GALNTL6: variants seen among roughly 807,000 people sequenced by gnomAD.
The protein encoded by GALNTL6 is polypeptide N-acetylgalactosaminyltransferase like 6, also known as polypeptide N-acetylgalactosaminyltransferase-like 6.
In GALNTL6, 46 loss-of-function variants were observed where a neutral mutation model predicts 73.7. That is an observed-to-expected ratio of 0.62 (90% CI 0.49 to 0.80). The LOEUF (loss-of-function observed/expected upper bound fraction) is 0.80. Ranked by LOEUF, GALNTL6 falls within the 30% of genes least tolerant of loss-of-function variation. The pLI is 0.00. For missense variants in GALNTL6, 604 were observed against 755.0 expected (o/e 0.80, Z 2.34); for synonymous variants, 259 against 263.7 (o/e 0.98, Z 0.17).
intron 2 of GALNTL6, among the ~76,000 whole-genome samples, chr4:171,826,788 A>G (rs1734837358): frequency 1.3e-5 from 2 of 152,058 alleles, no homozygotes; most frequent in African/African-American, 4.8e-5. Flanking sequence ...TTTGGAAGAC[A>G]GAAAAGAGAG....
chr4:172,218,670 A>T (rs1394099030), intron 2 of GALNTL6, among the ~76,000 whole-genome samples: 1 of 152,032 alleles, frequency 6.6e-6, no homozygotes, highest in African/African-American at 2.4e-5. Flanking sequence ...GTTTAGCTTT[A>T]TTCTTGTAAG....
At chr4:172,184,609 C>G (rs1735359903) in intron 2 of GALNTL6, among the ~76,000 whole-genome samples, 1 of 152,164 alleles carries the variant, frequency 6.6e-6, no homozygotes, top group African/African-American at 2.4e-5. Context: ...TTATACAAGA[C>G]ATGACTTTCC....
At chr4:172,861,087 T>C (rs2111135789) in intron 7 of GALNTL6, among the ~76,000 whole-genome samples, 1 of 152,312 alleles carries the variant, frequency 6.6e-6, no homozygotes, top group South Asian at 2.1e-4. Context: ...TTCTTTTGTC[T>C]TGTAAAAATG....
At chr4:171,861,909 C>T (rs1467467773) in intron 2 of GALNTL6, among the ~76,000 whole-genome samples, 1 of 152,124 alleles carries the variant, frequency 6.6e-6, no homozygotes, top group African/African-American at 2.4e-5. Context: ...GTAGTGACCA[C>T]TGGCCACTAA....
chr4:172,558,390 C>A (rs1254642145), intron 5 of GALNTL6, among the ~76,000 whole-genome samples: 3 of 151,996 alleles, frequency 2.0e-5, no homozygotes, highest in Non-Finnish European at 4.4e-5. Flanking sequence ...GGAGACAGGG[C>A]CTTTAAAATA....
chr4:172,577,547 T>C (rs1010061539), intron 5 of GALNTL6, among the ~76,000 whole-genome samples: 2 of 152,204 alleles, frequency 1.3e-5, no homozygotes, highest in African/African-American at 4.8e-5. Flanking sequence ...TGCCTTCCTC[T>C]CATTTTCCAC....
chr4:172,121,650 G>A (rs892078415), intron 2 of GALNTL6, among the ~76,000 whole-genome samples: 1 of 152,060 alleles, frequency 6.6e-6, no homozygotes, highest in African/African-American at 2.4e-5. Flanking sequence ...CTACATTTGA[G>A]CAATTTCAAA....
At chr4:171,867,757 G>C (rs771157430) in intron 2 of GALNTL6, among the ~76,000 whole-genome samples, 1 of 151,954 alleles carries the variant, frequency 6.6e-6, no homozygotes, top group Admixed American at 6.5e-5. Context: ...AGACAGTGTT[G>C]GCATTAAAAT....
In GALNTL6 at chr4:172,348,530, C is replaced by T. The variant is rs143545755; in HGVS notation, c.394C>T (p.His132Tyr). The stretch of plus-strand genomic sequence containing the variant: ...CTTTTCCCTCATCTCCAGCTGTAAG[C>T]ATAAGATGTATCTGGAAAGGCTGCC... ...LPDIRHANCK[H>Y]KMYLERLPNT... Residue 132 changes from histidine (H) to tyrosine (Y), a missense_variant, in exon 5 of 13, where the codon CAT becomes TAT. Coordinates refer to ENST00000506823, the MANE Select transcript of GALNTL6 (RefSeq NM_001034845.3). The T allele has an allele frequency of 1.6e-4, 257 of 1,611,190 alleles. No homozygotes were observed. Among genetic ancestry groups the T allele is most frequent in the Middle Eastern group, 3.3e-4 (2 of 6,042 alleles).
intron 5 of GALNTL6, among the ~76,000 whole-genome samples, chr4:172,368,080 A>AT (rs1203557676): frequency 4.6e-5 from 7 of 152,196 alleles, no homozygotes; most frequent in Non-Finnish European, 7.3e-5. Flanking sequence ...ATAAATACTT[A>AT]TTACAAAAGT....
intron 2 of GALNTL6, among the ~76,000 whole-genome samples, chr4:171,887,390 G>A (rs1364920797): frequency 6.6e-6 from 1 of 152,130 alleles, no homozygotes; most frequent in Non-Finnish European, 1.5e-5. Context: ...GGTGGTGAAG[G>A]GACATGATTT....
At chr4:172,118,711 G>GAA (rs58679680) in intron 2 of GALNTL6, among the ~76,000 whole-genome samples, 2 of 109,792 alleles carry the variant, frequency 1.8e-5, no homozygotes, top group East Asian at 5.0e-4. Context: ...AAACAAAAAA[G>GAA]AAAAAAAAAA....
intron 7 of GALNTL6, among the ~76,000 whole-genome samples, chr4:172,847,542 C>T (rs961831443): frequency 6.6e-6 from 1 of 151,966 alleles, no homozygotes; most frequent in South Asian, 2.1e-4. Flanking sequence ...GTTGCTGAAA[C>T]ATTTAATCCT....
At chr4:172,909,567 GAATT>G (rs1417754929) in intron 8 of GALNTL6, among the ~76,000 whole-genome samples, 2 of 151,932 alleles carry the variant, frequency 1.3e-5, no homozygotes, top group Non-Finnish European at 2.9e-5. Context: ...AGAAAAATGT[GAATT>G]AATATTATAA....
At chr4:172,535,604 C>CAACTATTTTAGA (rs1735321245) in intron 5 of GALNTL6, among the ~76,000 whole-genome samples, 2 of 152,088 alleles carry the variant, frequency 1.3e-5, no homozygotes, top group Admixed American at 1.3e-4. Context: ...CACAGTTCCC[C>CAACTATTTTAGA]GAAGTAACTA....
At chr4:172,376,796 C>T (rs1440326292) in intron 5 of GALNTL6, among the ~76,000 whole-genome samples, 3 of 152,152 alleles carry the variant, frequency 2.0e-5, no homozygotes, top group Non-Finnish European at 4.4e-5. Context: ...TTCTTGGTCT[C>T]ACTGACTTCA....
chr4:172,528,364 A>ATG (rs1274995493), intron 5 of GALNTL6, among the ~76,000 whole-genome samples: 3 of 103,602 alleles, frequency 2.9e-5, no homozygotes, highest in Non-Finnish European at 4.2e-5. Flanking sequence ...ATATATATAT[A>ATG]TGGTTATTTT....
chr4:172,686,553 C>A (rs942058666), intron 5 of GALNTL6, among the ~76,000 whole-genome samples: 1 of 152,140 alleles, frequency 6.6e-6, no homozygotes, highest in African/African-American at 2.4e-5. Flanking sequence ...ACAGTATGTA[C>A]AAGCAAATTT....
At chr4:172,005,483 G>T (rs774877947) in intron 2 of GALNTL6, among the ~76,000 whole-genome samples, 1 of 152,034 alleles carries the variant, frequency 6.6e-6, no homozygotes, top group Non-Finnish European at 1.5e-5. Flanking sequence ...AAAAGAGTAA[G>T]AGAATAAACC....
Sources: allele counts gnomAD v4.1 joint callset (sites outside exome capture counted in the v4.1 genomes callset), GRCh38; gene constraint gnomAD v4.1.1; transcripts MANE v1.5; gene names NCBI Gene and HGNC (gene_info 2026-07-23, HGNC 2026-07-21).